Variants in IGBP1 observed in about 807,000 individuals in gnomAD.
IGBP1 encodes the protein immunoglobulin-binding protein 1.
In IGBP1, 2 loss-of-function variants were observed where a neutral mutation model predicts 25.9. The observed-to-expected ratio is 0.08, with a 90% CI of 0.03 to 0.24. The LOEUF (loss-of-function observed/expected upper bound fraction) is 0.24. IGBP1 is among the 10% of genes least tolerant of loss of function. The pLI is 1.00. For missense variants in IGBP1, 187 were observed against 260.4 expected, an observed-to-expected ratio of 0.72 and a Z score of 1.94; for synonymous variants, 96 against 93.4, an observed-to-expected ratio of 1.03 and a Z score of -0.16.
chrX:70,149,308 T>C (rs897572487), intron 5 of IGBP1, among the ~76,000 whole-genome samples: 6 of 110,985 alleles, frequency 5.4e-5, no homozygotes, highest in Non-Finnish European at 9.4e-5. Flanking sequence ...CCTGAAACTT[T>C]CTCCATGTCT....
chrX:70,163,182 A>C (rs2085280088), intron 6 of IGBP1, among the ~76,000 whole-genome samples: 1 of 110,448 alleles, frequency 9.1e-6, no homozygotes, highest in Non-Finnish European at 1.9e-5. Context: ...AGATTTTAAA[A>C]GTTTTTTTCT....
intron 2 of IGBP1, 39 bp from the exon 3 acceptor site, chrX:70,134,484 G>T (rs762286631): frequency 1.7e-6 from 2 of 1,182,660 alleles, no homozygotes; most frequent in African/African-American, 1.8e-5. Context: ...CAATTTGAAT[G>T]CCTAGTCAGG....
At chrX:70,160,029 G>C (rs2085262859) in intron 6 of IGBP1, among the ~76,000 whole-genome samples, 1 of 111,504 alleles carries the variant, frequency 9.0e-6, no homozygotes, top group African/African-American at 3.3e-5. Context: ...AGTGTGTACA[G>C]ATTAGCCAAG....
At chrX:70,142,920 T>G (rs1220246854) in intron 3 of IGBP1, among the ~76,000 whole-genome samples, 6 of 92,914 alleles carry the variant, frequency 6.5e-5, no homozygotes, top group Middle Eastern at 5.1e-3. Flanking sequence ...CGAGTTGTTT[T>G]TTTTTTTTTT....
intron 5 of IGBP1, among the ~76,000 whole-genome samples, chrX:70,149,243 A>C (rs2085187605): frequency 9.0e-6 from 1 of 111,507 alleles, no homozygotes; most frequent in South Asian, 3.7e-4. Context: ...AAAAAAAAAA[A>C]AAGTCATGAT....
At chrX:70,160,438 A>G (rs1212371667) in intron 6 of IGBP1, among the ~76,000 whole-genome samples, 1 of 112,570 alleles carries the variant, frequency 8.9e-6, no homozygotes, top group Non-Finnish European at 1.9e-5. Flanking sequence ...AGAAGAAAGA[A>G]GAAAATGGAA....
At chrX:70,155,096 A>G (rs2085231182) in intron 6 of IGBP1, among the ~76,000 whole-genome samples, 1 of 112,309 alleles carries the variant, frequency 8.9e-6, no homozygotes, top group Non-Finnish European at 1.9e-5. Flanking sequence ...CTCAAATGTA[A>G]ATAGAATAAA....
chrX:70,146,524 G>T, intron 3 of IGBP1, 109 bp from the exon 4 acceptor site: 1 of 614,903 alleles, frequency 1.6e-6, no homozygotes, highest in South Asian at 2.5e-5. Context: ...GTGGAAATTG[G>T]TATGCTTACT....
chrX:70,160,435 A>G (rs964466949), intron 6 of IGBP1, among the ~76,000 whole-genome samples: 1 of 112,546 alleles, frequency 8.9e-6, no homozygotes, highest in Non-Finnish European at 1.9e-5. Flanking sequence ...GCCAGAAGAA[A>G]GAAGAAAATG....
intron 2 of IGBP1, 43 bp from the exon 3 acceptor site, chrX:70,134,480 G>T (rs751870716): frequency 8.5e-7 from 1 of 1,181,923 alleles, no homozygotes; most frequent in East Asian, 3.0e-5. Flanking sequence ...GCCACAATTT[G>T]AATGCCTAGT....
intron 3 of IGBP1, among the ~76,000 whole-genome samples, chrX:70,138,482 A>AC (rs2085110552): frequency 9.4e-6 from 1 of 106,166 alleles, no homozygotes; most frequent in Non-Finnish European, 1.9e-5. Context: ...CCCTGTCTCA[A>AC]AAAAAAAAAA....
At position 70,134,025 on chromosome X, in the gene IGBP1, A is replaced by G. The variant is rs2085079529; in HGVS notation, c.78A>G (p.Val26=). The change falls in exon 2 of 7, where the codon GTA becomes GTG. Residue 26 remains valine, a synonymous_variant. Coordinates refer to ENST00000356413, the MANE Select transcript of IGBP1 (RefSeq NM_001551.3). The part of the protein sequence containing the change: ...FETGRQLLDE[V]EVATEPAGSR... ...CTGGTAGACAGTTACTGGACGAAGTAGAAGTGGCGACTGAACCCGCCGGTT... is the reference window on the plus strand; with the variant it reads ...CTGGTAGACAGTTACTGGACGAAGTGGAAGTGGCGACTGAACCCGCCGGTT... 5.0e-6 allele frequency: 6 copies of G among 1,211,354 alleles called. No individual in the cohort carries two copies. The South Asian group carries it at 7.0e-5, about 14-fold the overall frequency.
rs562289424 is a variant in IGBP1 at position 70,154,534 on chromosome X, A to G, written c.871+4212A>G. Among the ~76,000 whole-genome samples the G allele has an allele frequency of 1.5e-3, 157 of 106,958 alleles. 1 individual carries two copies. The highest frequency in any genetic ancestry group is 4.9e-3 in the Middle Eastern group (1 of 205). The allele number at this position is 106,958 out of a possible 115,157, so 92.9% of individuals were successfully genotyped here. A position where few individuals can be genotyped will look rare whatever the true frequency, so the allele number is the denominator to read the frequency against. The stretch of plus-strand genomic sequence containing the variant: ...AGACTTATCTGATGAAGGACTTTGT[A>G]TATTTTACCCAAAATATACAAAGAA... On this transcript the variant is annotated intron_variant, in intron 6 of 6. Coordinates refer to ENST00000356413, the MANE Select transcript of IGBP1 (RefSeq NM_001551.3).
intron 2 of IGBP1, 106 bp from the exon 3 acceptor site, chrX:70,134,417 C>G (rs1292760145): frequency 4.7e-6 from 4 of 854,790 alleles, no homozygotes; most frequent in Non-Finnish European, 6.8e-6. Flanking sequence ...CGTGCCTCCT[C>G]CCTCTGGTCC....
chrX:70,136,989 G>T (rs191400601), intron 3 of IGBP1, among the ~76,000 whole-genome samples: 1 of 111,566 alleles, frequency 9.0e-6, no homozygotes, highest in Non-Finnish European at 1.9e-5. Flanking sequence ...TTACAGGTGT[G>T]AGCCGCTGTG....
chrX:70,145,009 T>A (rs1490153230), intron 3 of IGBP1, among the ~76,000 whole-genome samples: 1 of 105,457 alleles, frequency 9.5e-6, no homozygotes, highest in Admixed American at 1.0e-4. Flanking sequence ...GACAATTTGA[T>A]AAAATCTATA....
chrX:70,142,533 C>T (rs1348978851), intron 3 of IGBP1, among the ~76,000 whole-genome samples: 1 of 110,550 alleles, frequency 9.0e-6, no homozygotes, highest in Non-Finnish European at 1.9e-5. Flanking sequence ...AAGACATTAC[C>T]TTTGGTTGGG....
intron 5 of IGBP1, 139 bp from the exon 6 acceptor site, chrX:70,150,071 C>A: frequency 3.9e-6 from 2 of 518,102 alleles, no homozygotes; most frequent in South Asian, 5.1e-5. Context: ...TACAACTCCT[C>A]AGAAGTTGAC....
chrX:70,154,085 T>C (rs1416189586), intron 6 of IGBP1, among the ~76,000 whole-genome samples: 3 of 86,068 alleles, frequency 3.5e-5, no homozygotes, highest in African/African-American at 4.6e-5. Flanking sequence ...TGAGACGGAG[T>C]CTTGCTCTGT....
Sources: gnomAD v4.1 joint callset for allele counts (sites outside exome capture counted in the v4.1 genomes callset) on GRCh38, gnomAD v4.1.1 for gene constraint, MANE v1.5 for transcripts, NCBI Gene and HGNC (gene_info 2026-07-23, HGNC 2026-07-21) for gene names.